The following TUSC3 variants were observed in gnomAD, a reference collection of about 807,000 sequenced individuals.
The protein encoded by TUSC3 is dolichyl-diphosphooligosaccharide--protein glycosyltransferase subunit TUSC3.
In TUSC3, 45 loss-of-function variants were observed where a neutral mutation model predicts 44.8. That is an observed-to-expected ratio of 1.00 (90% CI 0.79 to 1.29). The LOEUF (loss-of-function observed/expected upper bound fraction) is 1.29, where lower values mean the gene tolerates loss of function less well. Ranked by LOEUF, TUSC3 falls within the 50% of genes most tolerant of loss-of-function variation. TUSC3 has a pLI of 0.00. For synonymous variants in TUSC3, 212 were observed against 152.9 expected (o/e 1.39, Z -2.85); for missense variants, 519 against 437.9 (o/e 1.19, Z -1.65).
the TUSC3 span, among the ~76,000 whole-genome samples, chr8:15,828,413 C>A: frequency 2.0e-5 from 3 of 152,082 alleles, no homozygotes; most frequent in African/African-American, 7.2e-5. Flanking sequence ...TTTCTGTTAC[C>A]ATTGAACAGA....
chr8:15,812,308 CATTCAG>C, the TUSC3 span, among the ~76,000 whole-genome samples: 1 of 152,132 alleles, frequency 6.6e-6, no homozygotes, highest in Non-Finnish European at 1.5e-5. Context: ...GAGAAGGTAA[CATTCAG>C]GAGGTTGTCT....
At chr8:15,559,097 G>T (rs1451540464) in intron 1 of TUSC3, among the ~76,000 whole-genome samples, 1 of 143,688 alleles carries the variant, frequency 7.0e-6, no homozygotes, top group African/African-American at 2.6e-5. Flanking sequence ...GTGATGTTAG[G>T]GTGTCAATTT....
chr8:15,655,842 A>G (rs1790533762), intron 3 of TUSC3, among the ~76,000 whole-genome samples: 1 of 152,200 alleles, frequency 6.6e-6, no homozygotes, highest in Admixed American at 6.5e-5. Flanking sequence ...ACTGGTGTGT[A>G]GCCTTCCTTC....
chr8:15,497,936 A>G (rs753572819), intron 2 of TUSC3, among the ~76,000 whole-genome samples: 3 of 151,800 alleles, frequency 2.0e-5, no homozygotes, highest in Middle Eastern at 3.2e-3. Flanking sequence ...TTTACTAGAG[A>G]TGGGGTTTCA....
intron 1 of TUSC3, among the ~76,000 whole-genome samples, chr8:15,423,957 C>A (rs563244696): frequency 1.0e-4 from 8 of 76,602 alleles, no homozygotes; most frequent in Non-Finnish European, 2.2e-4. Context: ...AGCATTCATA[C>A]TGTTTTGCTT....
At chr8:15,795,736 A>G in the TUSC3 span, among the ~76,000 whole-genome samples, 24 of 152,314 alleles carry the variant, frequency 1.6e-4, no homozygotes, top group African/African-American at 5.8e-4. Context: ...TTTTTGGGCA[A>G]AAGTCCCGGG....
chr8:15,705,488 ACT>A (rs1000314893), intron 6 of TUSC3, among the ~76,000 whole-genome samples: 11 of 152,076 alleles, frequency 7.2e-5, no homozygotes, highest in South Asian at 4.1e-4. Context: ...ATTTATATAA[ACT>A]CTGAATAAAA....
At position 15,608,647 on chromosome 8, in the gene TUSC3, C is replaced by T. The variant is rs73193380; in HGVS notation, c.139-14433C>T. Reference sequence around the variant, plus strand: ...CCCCCATGTTGTTCTTGTGATAGTGCGTGAGTCTCGTGAGATCCGATGGTT... The same window carrying T: ...CCCCCATGTTGTTCTTGTGATAGTGTGTGAGTCTCGTGAGATCCGATGGTT... On this transcript the variant is annotated intron_variant, in intron 1 of 10. Coordinates refer to ENST00000503731, the MANE Select transcript of TUSC3 (RefSeq NM_006765.4). 6.3e-3 allele frequency among the ~76,000 whole-genome samples: 960 copies of T among 152,096 alleles called. 3 individuals carry two copies. The highest frequency in any genetic ancestry group is 0.011 in the Non-Finnish European group (728 of 67,980).
At chr8:15,461,820 T>G (rs1301753828) in intron 1 of TUSC3, among the ~76,000 whole-genome samples, 1 of 151,848 alleles carries the variant, frequency 6.6e-6, no homozygotes, top group Non-Finnish European at 1.5e-5. Flanking sequence ...AATAAAAGAT[T>G]TGTATATATA....
chr8:15,786,773 C>T, the TUSC3 span, among the ~76,000 whole-genome samples: 1 of 151,238 alleles, frequency 6.6e-6, no homozygotes, highest in African/African-American at 2.4e-5. Flanking sequence ...GAAACCCTGT[C>T]TCTGCTAAAA....
At chr8:15,523,173 G>A (rs1243674884) in intron 2 of TUSC3, among the ~76,000 whole-genome samples, 1 of 152,106 alleles carries the variant, frequency 6.6e-6, no homozygotes, top group African/African-American at 2.4e-5. Context: ...GTCAATGGTT[G>A]CATGATGGCA....
rs1200604486 is a variant in TUSC3, at chr8:15,732,475, T to A, written c.862+1746T>A. 2.0e-5 allele frequency among the ~76,000 whole-genome samples: 3 copies of A among 152,180 alleles called. No homozygotes were observed. In the East Asian group the frequency reaches 5.8e-4, roughly 29 times the overall value. On this transcript the variant is annotated intron_variant, in intron 7 of 10. Coordinates refer to ENST00000503731, the MANE Select transcript of TUSC3 (RefSeq NM_006765.4). ...AACTGTGAGTCCGTTAAACCTTTGTTTCTTTATAAATTACCCAAGCTCATG... is the reference window on the plus strand; with the variant it reads ...AACTGTGAGTCCGTTAAACCTTTGTATCTTTATAAATTACCCAAGCTCATG...
At chr8:15,730,826 A>C (rs1024111569) in intron 7 of TUSC3, 97 bp downstream of exon 7, 1 of 1,200,102 alleles carries the variant, frequency 8.3e-7, no homozygotes, top group Non-Finnish European at 1.2e-6. Flanking sequence ...AAGACTTTTA[A>C]GAGACATTAA....
intron 6 of TUSC3, among the ~76,000 whole-genome samples, chr8:15,727,807 C>T (rs1002243886): frequency 2.6e-5 from 4 of 152,172 alleles, no homozygotes; most frequent in African/African-American, 9.6e-5. Flanking sequence ...TGTTTGATTA[C>T]ATTTGATCAC....
intron 3 of TUSC3, among the ~76,000 whole-genome samples, chr8:15,655,285 A>G (rs1412769022): frequency 1.3e-5 from 2 of 152,274 alleles, no homozygotes; most frequent in South Asian, 2.1e-4. Context: ...AAGCATGCGC[A>G]CCAAGAGACA....
intron 6 of TUSC3, among the ~76,000 whole-genome samples, chr8:15,692,003 A>G (rs1348597997): frequency 3.3e-5 from 5 of 152,106 alleles, no homozygotes; most frequent in Admixed American, 2.0e-4. Flanking sequence ...CTGGTCTTGA[A>G]TTCTTGGCCT....
Position 15,599,723 on chromosome 8 carries a change from G to C in TUSC3, c.139-23357G>C, listed in dbSNP as rs576710256. ...GTGGTTTTTTTTTTTTTTTGTCAAAGATCAGTTGATTATGTCAGTCTGTTT... is the reference window on the plus strand; with the variant it reads ...GTGGTTTTTTTTTTTTTTTGTCAAACATCAGTTGATTATGTCAGTCTGTTT... On this transcript the variant is annotated intron_variant, in intron 1 of 10. Transcript: ENST00000503731. 3.5e-4 allele frequency among the ~76,000 whole-genome samples: 49 copies of C among 139,728 alleles called. 1 individual carries two copies. The highest frequency in any genetic ancestry group is 1.2e-3 in the African/African-American group (47 of 38,086). The allele number at this position is 139,728 out of a possible 152,430, so 91.7% of individuals were successfully genotyped here.
intron 2 of TUSC3, among the ~76,000 whole-genome samples, chr8:15,627,272 T>A (rs140747302): frequency 3.3e-5 from 5 of 152,300 alleles, no homozygotes; most frequent in African/African-American, 1.2e-4. Context: ...TAGGACAGCC[T>A]GCCTGGCAGA....
intron 2 of TUSC3, among the ~76,000 whole-genome samples, chr8:15,626,626 AC>A (rs1170522984): frequency 6.6e-6 from 1 of 151,390 alleles, no homozygotes; most frequent in Non-Finnish European, 1.5e-5. Context: ...GGCCCCCCTT[AC>A]CCCTGCAGGC....
Sources: gnomAD v4.1 joint callset for allele counts (sites outside exome capture counted in the v4.1 genomes callset) on GRCh38, gnomAD v4.1.1 for gene constraint, MANE v1.5 for transcripts, NCBI Gene and HGNC (gene_info 2026-07-23, HGNC 2026-07-21) for gene names.